Variants in SIN3B observed in about 807,000 individuals in gnomAD.
The protein encoded by SIN3B is paired amphipathic helix protein Sin3b.
Under a neutral mutation model 120.2 loss-of-function variants are expected in SIN3B, and 19 were observed. The observed-to-expected ratio is 0.16, with a 90% CI of 0.11 to 0.23. SIN3B has a LOEUF of 0.23. Ranked by LOEUF, SIN3B falls within the 10% of genes least tolerant of loss-of-function variation. SIN3B has a pLI of 1.00. For missense variants in SIN3B, 1,073 were observed against 1,573.0 expected (o/e 0.68, Z 5.38); for synonymous variants, 654 against 653.2 (o/e 1.00, Z -0.02).
At chr19:16,865,161 G>C in intron 10 of SIN3B, 1 of 442,970 alleles carries the variant, frequency 2.3e-6, no homozygotes, top group South Asian at 4.0e-5. Flanking sequence ...AGGCATGGTG[G>C]TGCACACCTA....
intron 3 of SIN3B, among the ~76,000 whole-genome samples, chr19:16,840,884 G>A (rs1373488992): frequency 6.6e-6 from 1 of 152,136 alleles, no homozygotes; most frequent in African/African-American, 2.4e-5. Flanking sequence ...GTGACGGGCC[G>A]CGGAGAAAAA....
chr19:16,873,701 A>G (rs930628531), intron 14 of SIN3B, among the ~76,000 whole-genome samples: 2 of 152,198 alleles, frequency 1.3e-5, no homozygotes, highest in African/African-American at 4.8e-5. Context: ...AGCAATGAAA[A>G]TGGGGCTGTC....
At chr19:16,843,234 A>G (rs536250628) in intron 4 of SIN3B, among the ~76,000 whole-genome samples, 1 of 152,310 alleles carries the variant, frequency 6.6e-6, no homozygotes, top group South Asian at 2.1e-4. Flanking sequence ...AGCAGCTGGG[A>G]CTACAGGCAT....
In SIN3B at chr19:16,876,481, C is replaced by CGCAGGTGATGTTCCTGCAGCGCAAAGG; in HGVS notation, c.2772_2798dup. On this transcript the variant is annotated splice_polypyrimidine_tract_variant and splice_region_variant and intron_variant, in intron 15 of 18. Transcript: ENST00000248054. This position sits in a 1 kb window ranked among gnomAD's most constrained non-coding sequence, Gnocchi z 7.1. ...GTGGAGGCTGTCAGCGTTCCTGCTC[C>CGCAGGTGATGTTCCTGCAGCGCAAAGG]GCAGGTGATGTTCCTGCAGCGCAAA... The CGCAGGTGATGTTCCTGCAGCGCAAAGG allele has an allele frequency of 6.2e-7, 1 of 1,612,302 alleles. No individual in the cohort carries two copies. Among genetic ancestry groups the CGCAGGTGATGTTCCTGCAGCGCAAAGG allele is most frequent in the Non-Finnish European group, 8.5e-7 (1 of 1,179,294 alleles).
chr19:16,851,145 A>G (rs191741901), intron 5 of SIN3B, among the ~76,000 whole-genome samples: 71 of 150,884 alleles, frequency 4.7e-4, no homozygotes, highest in African/African-American at 1.6e-3. Flanking sequence ...CCCTCCTGAA[A>G]CCCCCAGCCC....
At position 16,876,836 on chromosome 19, in the gene SIN3B, C is replaced by A; in HGVS notation, c.2859+258C>A. ...TTGTGTCCCAGGGCAGGAGGGGAAC[C>A]AAGCCACCTCTCCCTGGCCCCCGAC... On this transcript the variant is annotated intron_variant, in intron 16 of 18. Transcript: ENST00000248054. This position sits in a 1 kb window ranked among gnomAD's most constrained non-coding sequence, Gnocchi z 7.1. 2.4e-6 allele frequency: 1 copy of A among 424,768 alleles called. No homozygotes were observed. The allele number at this position is 424,768 out of a possible 1,614,324, so 26.3% of individuals were successfully genotyped here.
chr19:16,863,266 AAG>A (rs1971714365), intron 9 of SIN3B: 1 of 493,284 alleles, frequency 2.0e-6, no homozygotes, highest in South Asian at 2.5e-5. Context: ...TACGTGGGGA[AAG>A]AGAAACCAAA....
intron 10 of SIN3B, 108 bp from the exon 11 acceptor site, chr19:16,865,301 CA>C: frequency 1.9e-6 from 1 of 526,510 alleles, no homozygotes; most frequent in Non-Finnish European, 3.5e-6. Flanking sequence ...CTCTTAAATA[CA>C]CACACCCCCC....
chr19:16,875,423 T>C (rs1327950746), intron 14 of SIN3B, among the ~76,000 whole-genome samples: 1 of 138,542 alleles, frequency 7.2e-6, no homozygotes, highest in African/African-American at 2.7e-5. Flanking sequence ...TGGTCTGGTC[T>C]GTTTGGTCTG....
Position 16,878,859 on chromosome 19 carries a change from C to G in SIN3B, c.*132C>G, listed in dbSNP as rs1205688018. The G allele has an allele frequency of 1.2e-6, 1 of 845,608 alleles. No homozygotes were observed. Among genetic ancestry groups the G allele is most frequent in the Non-Finnish European group, 1.8e-6 (1 of 556,392 alleles). 52.4% of individuals were successfully genotyped at this position (845,608 alleles called of 1,614,324 possible). On this transcript the variant is annotated 3_prime_UTR_variant, in exon 19 of 19. Transcript: ENST00000248054. ...CCCCTCTGCTGCCGGACAGCGCACT[C>G]CAGGGCAGGACGCCGCCCCCGTGGC... is the stretch of plus-strand genomic sequence containing the variant.
chr19:16,847,103 A>G lies in SIN3B; in HGVS notation c.716A>G (p.Lys239Arg), dbSNP rs751080871. 9 of 1,612,142 alleles carry G rather than the reference A, an allele frequency of 5.6e-6. No homozygotes were observed. The highest frequency in any genetic ancestry group is 1.1e-5 in the South Asian group (1 of 91,014). The change falls in exon 5 of 19, where the codon AAG (lysine) becomes AGG (arginine). Residue 239 changes from lysine to arginine, a missense_variant. Transcript: ENST00000248054. ...SEFGQFLPEAKRSLFTGNGPC... is the reference protein window; with the variant it reads ...SEFGQFLPEARRSLFTGNGPC... Reference sequence around the variant, plus strand: ...TTTGGACAGTTCCTGCCCGAAGCCAAGCGGTCTCTGGTGAGTGCCGAGAGC... The same window carrying G: ...TTTGGACAGTTCCTGCCCGAAGCCAGGCGGTCTCTGGTGAGTGCCGAGAGC...
intron 3 of SIN3B, among the ~76,000 whole-genome samples, chr19:16,840,879 G>A (rs1449779337): frequency 6.6e-6 from 1 of 152,156 alleles, no homozygotes; most frequent in African/African-American, 2.4e-5. Context: ...AGGTGGTGAC[G>A]GGCCGCGGAG....
rs1742109616 is a variant in SIN3B at position 16,863,694 on chromosome 19, C to T, written c.1281C>T (p.Thr427=). Reference sequence around the variant, plus strand: ...TCTTGGTGCAGGTACTGAACGACACCTGGGTCTCCTTCCCTTCCTGGTCTG... The same window carrying T: ...TCTTGGTGCAGGTACTGAACGACACTTGGGTCTCCTTCCCTTCCTGGTCTG... ...TAICKEVLND[T]WVSFPSWSED... The change falls in exon 10 of 19, where the codon ACC becomes ACT. Residue 427 remains threonine (T), a synonymous_variant. Coordinates refer to ENST00000248054, the MANE Select transcript of SIN3B (RefSeq NM_001297595.2). The T allele has an allele frequency of 3.1e-6, 5 of 1,613,608 alleles. No individual in the cohort carries two copies. The highest frequency in any genetic ancestry group is 4.2e-6 in the Non-Finnish European group (5 of 1,179,482).
Position 16,878,349 on chromosome 19 carries a change from G to A in SIN3B, c.3121G>A (p.Asp1041Asn). 1.2e-6 allele frequency: 2 copies of A among 1,612,638 alleles called. No individual in the cohort carries two copies. Among genetic ancestry groups the A allele is most frequent in the Non-Finnish European group, 1.7e-6 (2 of 1,179,776 alleles). ...HKMVFIVNSE[D>N]YMYRRGTLCR... ...GATGGTGTTCATCGTGAACTCCGAGGACTACATGTACCGTCGCGGGACCCT... is the reference window on the plus strand; with the variant it reads ...GATGGTGTTCATCGTGAACTCCGAGAACTACATGTACCGTCGCGGGACCCT... Residue 1041 changes from aspartate to asparagine, a missense_variant, in exon 18 of 19, where the codon GAC (aspartate) becomes AAC (asparagine). By Grantham distance (23) the Asp-to-Asn change is conservative. This residue lies in a region of SIN3B where 311 missense variants were observed against 400.3 expected (regional missense o/e 0.78). Coordinates refer to ENST00000248054, the MANE Select transcript of SIN3B (RefSeq NM_001297595.2).
Position 16,859,067 on chromosome 19 carries a change from C to G in SIN3B, c.1059-3285C>G, listed in dbSNP as rs376234259. Among the ~76,000 whole-genome samples, 53 of 152,200 alleles carry G rather than the reference C, an allele frequency of 3.5e-4. 1 individual carries two copies. In the East Asian group the frequency reaches 7.1e-3, roughly 21 times the overall value. The stretch of plus-strand genomic sequence containing the variant: ...TTTGGAGGTTGAGGTGGCTGGATCG[C>G]TTGAGTTTTCGAGGCAGAGGTTGCA... On this transcript the variant is annotated intron_variant, in intron 8 of 18. Transcript: ENST00000248054.
intron 3 of SIN3B, among the ~76,000 whole-genome samples, chr19:16,833,231 G>A (rs572394978): frequency 4.6e-5 from 7 of 152,322 alleles, no homozygotes; most frequent in Admixed American, 1.3e-4. Context: ...ATGATAGAGC[G>A]TCCAATCAAT....
rs958134578 is a variant in SIN3B, at chr19:16,869,808, G to T, written c.2155G>T (p.Ala719Ser). The change falls in exon 13 of 19, where the codon GCC becomes TCC. Residue 719 changes from alanine (A) to serine (S), a missense_variant. Physicochemically the swap from Ala to Ser is moderately conservative, Grantham distance 99. Transcript: ENST00000248054. ...AGAGGAGAAGGGGGCCTTCGGGGAT[G>T]CCCCGGCCACTGAGCAGCCACCCCT... Reference protein sequence around the residue: ...PPEEKGAFGDAPATEQPPLPP... With the variant: ...PPEEKGAFGDSPATEQPPLPP... The T allele has an allele frequency of 1.2e-6, 2 of 1,613,718 alleles. No individual in the cohort carries two copies. The highest frequency in any genetic ancestry group is 1.7e-6 in the Non-Finnish European group (2 of 1,179,948).
chr19:16,833,650 G>T (rs1242599001), intron 3 of SIN3B, among the ~76,000 whole-genome samples: 8 of 151,098 alleles, frequency 5.3e-5, no homozygotes, highest in Non-Finnish European at 1.5e-5. Context: ...AAAAAATTCT[G>T]CTGCTTCTCT....
Position 16,856,132 on chromosome 19 carries a change from G to A in SIN3B, c.1058+1871G>A, listed in dbSNP as rs994225095. Among the ~76,000 whole-genome samples the A allele has an allele frequency of 2.6e-5, 4 of 152,198 alleles. No homozygotes were observed. In the East Asian group the frequency reaches 5.8e-4, roughly 22 times the overall value. On this transcript the variant is annotated intron_variant, in intron 8 of 18. Coordinates refer to ENST00000248054, the MANE Select transcript of SIN3B (RefSeq NM_001297595.2). ...CATTAGCAGGTCAGGTCTAAGAGTA[G>A]CTTCTAACCTCTGGTGGCCAGGTCA...
Sources: allele counts gnomAD v4.1 joint callset (sites outside exome capture counted in the v4.1 genomes callset), GRCh38; gene constraint gnomAD v4.1.1; regional missense constraint gnomAD v4.1.1; non-coding constraint Gnocchi (gnomAD v3.1); transcripts MANE v1.5; gene names NCBI Gene and HGNC (gene_info 2026-07-23, HGNC 2026-07-21).